Variants in SLIT1 observed in about 807,000 individuals in gnomAD.
SLIT1 encodes the protein slit guidance ligand 1, also known as slit homolog 1 protein.
SLIT1 carries 66 observed loss-of-function variants against 186.1 expected under a neutral mutation model. That is an observed-to-expected ratio of 0.35 (90% CI 0.29 to 0.44). The LOEUF (loss-of-function observed/expected upper bound fraction) is 0.44, where lower values mean the gene tolerates loss of function less well. SLIT1 is among the 20% of genes least tolerant of loss of function. The pLI, the probability that SLIT1 is intolerant of heterozygous loss-of-function variation, is 1.00. For missense variants in SLIT1, 1,638 were observed against 2,037.4 expected (o/e 0.80, Z 3.77); for synonymous variants, 761 against 833.8 (o/e 0.91, Z 1.50).
intron 16 of SLIT1, 140 bp downstream of exon 16, chr10:97,047,550 C>T (rs1589373956): frequency 2.4e-6 from 2 of 827,336 alleles, no homozygotes; most frequent in East Asian, 4.9e-5. Flanking sequence ...CTGCCCAAGC[C>T]AGCAGTTGGT....
At chr10:97,081,394 G>C (rs1849103602) in intron 4 of SLIT1, among the ~76,000 whole-genome samples, 2 of 152,198 alleles carry the variant, frequency 1.3e-5, no homozygotes, top group African/African-American at 4.8e-5. Flanking sequence ...AGCCCACCAA[G>C]GAGGCCAGCA....
intron 25 of SLIT1, among the ~76,000 whole-genome samples, chr10:97,026,413 G>A (rs766024884): frequency 5.3e-5 from 8 of 150,924 alleles, no homozygotes; most frequent in African/African-American, 1.5e-4. Context: ...GCAGTGAGCC[G>A]AGATCTCACC....
At position 97,042,836 on chromosome 10, in the gene SLIT1, C is replaced by T. The variant is rs71484300; in HGVS notation, c.2164+65G>A. On this transcript the variant is annotated intron_variant, in intron 20 of 36. Coordinates refer to ENST00000266058, the MANE Select transcript of SLIT1 (RefSeq NM_003061.3). ...GCCTGTCCACTCCCATCTTCCTCAC[C>T]TGCCCCACCCCACTGGTTGGACCCA... 2.6e-6 allele frequency: 4 copies of T among 1,551,192 alleles called. No individual in the cohort carries two copies. In the Admixed American group the frequency reaches 6.9e-5, roughly 27 times the overall value.
intron 4 of SLIT1, among the ~76,000 whole-genome samples, chr10:97,079,264 C>T (rs569768745): frequency 2.6e-5 from 4 of 152,140 alleles, no homozygotes; most frequent in South Asian, 2.1e-4. Context: ...TGTAGTTAGT[C>T]GGGATGGGGG....
intron 1 of SLIT1, among the ~76,000 whole-genome samples, chr10:97,171,770 G>T (rs2134737644): frequency 6.6e-6 from 1 of 151,684 alleles, no homozygotes; most frequent in Non-Finnish European, 1.5e-5. Context: ...AGTGAGGTGA[G>T]ATCGTGCCAG....
At position 97,006,339 on chromosome 10, in the gene SLIT1, G is replaced by A. The variant is rs1236481093; in HGVS notation, c.3579+144C>T. On this transcript the variant is annotated intron_variant, in intron 32 of 36. Coordinates refer to ENST00000266058, the MANE Select transcript of SLIT1 (RefSeq NM_003061.3). The surrounding 1 kb of genome is among the most constrained non-coding windows in gnomAD (Gnocchi z 4.0). Reference sequence around the variant, plus strand: ...TTAAACTAGTTCAAGCTGAGATTTTGATACCCATATGCAAAACGTTTTGAT... The same window carrying A: ...TTAAACTAGTTCAAGCTGAGATTTTAATACCCATATGCAAAACGTTTTGAT... 1 of 623,612 alleles carries A rather than the reference G, an allele frequency of 1.6e-6. No individual in the cohort carries two copies. Among genetic ancestry groups the A allele is most frequent in the African/African-American group, 1.8e-5 (1 of 54,384 alleles). The allele number at this position is 623,612 out of a possible 1,614,324, so 38.6% of individuals were successfully genotyped here.
chr10:97,047,714 C>A lies in SLIT1; in HGVS notation c.1610G>T (p.Arg537Leu), dbSNP rs759543634. 5.0e-6 allele frequency: 8 copies of A among 1,613,872 alleles called. No homozygotes were observed. In the East Asian group the frequency reaches 1.1e-4, roughly 22 times the overall value. ...CAGTTCTGCCGTGGACTGGGGGATGCGCTCAGGGATCTTGGTGAGCTTCAG... is the reference window on the plus strand; with the variant it reads ...CAGTTCTGCCGTGGACTGGGGGATGAGCTCAGGGATCTTGGTGAGCTTCAG... ...SSLKLTKIPE[R>L]IPQSTAELRL... The change falls in exon 16 of 37, where the codon CGC becomes CTC. Residue 537 changes from arginine to leucine, a missense_variant. Around this residue, in one of 3 missense-constraint regions of SLIT1, gnomAD observed 1,245 missense variants for 1,535.3 expected, o/e 0.81. Transcript: ENST00000266058.
chr10:97,032,090 C>T (rs1373127228), intron 23 of SLIT1, among the ~76,000 whole-genome samples: 1 of 152,250 alleles, frequency 6.6e-6, no homozygotes, highest in Non-Finnish European at 1.5e-5. Flanking sequence ...ATGAAGGTGA[C>T]ACCTGACTGC....
chr10:97,089,371 C>A (rs1351937075), intron 4 of SLIT1, among the ~76,000 whole-genome samples: 1 of 152,186 alleles, frequency 6.6e-6, no homozygotes, highest in Non-Finnish European at 1.5e-5. Flanking sequence ...GAGTCCCTGT[C>A]GCACCTGACA....
At chr10:97,151,386 G>T (rs1271735890) in intron 4 of SLIT1, among the ~76,000 whole-genome samples, 1 of 150,506 alleles carries the variant, frequency 6.6e-6, no homozygotes, top group African/African-American at 2.4e-5. Flanking sequence ...GGGGGTGGGA[G>T]AGTGGATGGA....
At chr10:97,014,219 G>A in intron 28 of SLIT1, 61 bp from the exon 29 acceptor site, 1 of 1,584,506 alleles carries the variant, frequency 6.3e-7, no homozygotes, top group Non-Finnish European at 8.6e-7. Flanking sequence ...GAAGCCTGTG[G>A]CTGCCGGTTA....
intron 28 of SLIT1, among the ~76,000 whole-genome samples, chr10:97,017,086 G>A (rs533011710): frequency 3.1e-4 from 47 of 152,318 alleles, no homozygotes; most frequent in East Asian, 9.7e-4. Context: ...GCCCACTCCC[G>A]CAGCCCGCAT....
chr10:97,103,687 C>A (rs1412577069), intron 4 of SLIT1: 1 of 152,188 alleles, frequency 6.6e-6, no homozygotes, highest in Non-Finnish European at 1.5e-5. Context: ...GAATGAAGTA[C>A]CTTCTAACAA....
chr10:97,184,458 A>G lies in SLIT1; in HGVS notation c.197+1020T>C, dbSNP rs1050637758. 6.6e-6 allele frequency among the ~76,000 whole-genome samples: 1 copy of G among 152,010 alleles called. No individual in the cohort carries two copies. Among genetic ancestry groups the G allele is most frequent in the Non-Finnish European group, 1.5e-5 (1 of 68,000 alleles). ...TACACACACACAGCCCATTACGGGG[A>G]CTCTCATGGCCTCACGCTATTAAGG... On this transcript the variant is annotated intron_variant, in intron 1 of 36. Coordinates refer to ENST00000266058, the MANE Select transcript of SLIT1 (RefSeq NM_003061.3). This position sits in a 1 kb window ranked among gnomAD's most constrained non-coding sequence, Gnocchi z 4.4.
intron 1 of SLIT1, among the ~76,000 whole-genome samples, chr10:97,171,932 A>T (rs569670349): frequency 9.9e-5 from 15 of 152,136 alleles, no homozygotes; most frequent in African/African-American, 2.9e-4. Context: ...ATCTGCCTGG[A>T]ATGCTCCTTC....
Position 97,042,965 on chromosome 10 carries a change from G to T in SLIT1, c.2100C>A (p.Asn700Lys), listed in dbSNP as rs140360454. Residue 700 changes from asparagine (N) to lysine (K), a missense_variant, in exon 20 of 37, where the codon AAC becomes AAA. Asn to Lys is a moderately conservative substitution (Grantham distance 94, BLOSUM62 0). Coordinates refer to ENST00000266058, the MANE Select transcript of SLIT1 (RefSeq NM_003061.3). Reference protein sequence around the residue: ...KIVTGNPRCQNPDFLRQIPLQ... With the variant: ...KIVTGNPRCQKPDFLRQIPLQ... ...GGGGAATCTGCCGCAAAAAGTCAGG[G>T]TTCTGGCATCGCGGGTTCCCCGTCA... 6.3e-4 allele frequency: 1,018 copies of T among 1,614,108 alleles called. 8 individuals carry two copies. Among genetic ancestry groups the T allele is most frequent in the Admixed American group, 3.3e-4 (20 of 60,014 alleles).
intron 3 of SLIT1, among the ~76,000 whole-genome samples, chr10:97,158,867 C>T (rs914715299): frequency 2.0e-5 from 3 of 151,158 alleles, no homozygotes; most frequent in Non-Finnish European, 2.9e-5. Context: ...CAGAGTGAGA[C>T]TCTGTCTCAG....
At chr10:97,106,272 G>A (rs1309852991) in intron 4 of SLIT1, among the ~76,000 whole-genome samples, 1 of 152,216 alleles carries the variant, frequency 6.6e-6, no homozygotes, top group Non-Finnish European at 1.5e-5. Flanking sequence ...GGGACTTGGA[G>A]GTAAGGCAAG....
At chr10:97,169,479 T>C (rs1850159547) in intron 1 of SLIT1, among the ~76,000 whole-genome samples, 1 of 152,214 alleles carries the variant, frequency 6.6e-6, no homozygotes, top group African/African-American at 2.4e-5. Flanking sequence ...GGAGGACATT[T>C]TTCTGCTGCA....
Sources: gnomAD v4.1 joint callset for allele counts (sites outside exome capture counted in the v4.1 genomes callset) on GRCh38, gnomAD v4.1.1 for gene constraint, gnomAD v4.1.1 regional missense constraint, Gnocchi (gnomAD v3.1) non-coding constraint, MANE v1.5 for transcripts, NCBI Gene and HGNC (gene_info 2026-07-23, HGNC 2026-07-21) for gene names.